FGF12: variants seen among roughly 807,000 people sequenced by gnomAD.
FGF12 encodes the protein fibroblast growth factor 12.
In FGF12, 14 loss-of-function variants were observed where a neutral mutation model predicts 23.6. The observed-to-expected ratio is 0.59, with a 90% CI of 0.39 to 0.93. The LOEUF is 0.93. Ranked by LOEUF, FGF12 falls within the 40% of genes least tolerant of loss-of-function variation. The pLI is 0.00. For missense variants in FGF12, 175 were observed against 217.8 expected (o/e 0.80, Z 1.24); for synonymous variants, 62 against 77.3 (o/e 0.80, Z 1.04).
chr3:192,439,552 GT>G (rs1722131274), intron 2 of FGF12, among the ~76,000 whole-genome samples: 1 of 152,186 alleles, frequency 6.6e-6, no homozygotes, highest in Admixed American at 6.5e-5. Context: ...GGATACAATG[GT>G]GAGCAAAAGC....
In FGF12 at chr3:192,493,401, C is replaced by A. The variant is rs780556207; in HGVS notation, c.14-132863G>T. 2.5e-4 allele frequency among the ~76,000 whole-genome samples: 38 copies of A among 152,078 alleles called. 1 individual carries two copies. The highest frequency in any genetic ancestry group is 4.9e-4 in the Non-Finnish European group (33 of 68,014). ...TAAATTAAATTCTTGCTTCTTCCAC[C>A]CAATTTATGCACTTATCCAAGTCTA... On this transcript the variant is annotated intron_variant, in intron 2 of 5. Coordinates refer to ENST00000445105, the MANE Select transcript of FGF12 (RefSeq NM_004113.6).
At chr3:192,334,354 T>C (rs1304608077) in intron 4 of FGF12, among the ~76,000 whole-genome samples, 1 of 152,104 alleles carries the variant, frequency 6.6e-6, no homozygotes, top group Admixed American at 6.6e-5. Context: ...TAATGAAAAT[T>C]AGTCAATAAC....
At chr3:192,169,112 G>GGGCAGATA (rs1278805292) in intron 5 of FGF12, among the ~76,000 whole-genome samples, 1 of 152,088 alleles carries the variant, frequency 6.6e-6, no homozygotes, top group Non-Finnish European at 1.5e-5. Context: ...AGGCCGAGGT[G>GGGCAGATA]GGCAGATAAC....
At chr3:192,160,874 C>T (rs1714830988) in intron 5 of FGF12, among the ~76,000 whole-genome samples, 2 of 151,946 alleles carry the variant, frequency 1.3e-5, no homozygotes, top group Admixed American at 6.6e-5. Context: ...GGCTGAGTTC[C>T]CTGAAACTGA....
chr3:192,428,183 A>T (rs1435438896), intron 2 of FGF12, among the ~76,000 whole-genome samples: 1 of 152,210 alleles, frequency 6.6e-6, no homozygotes, highest in Non-Finnish European at 1.5e-5. Context: ...TGCCAAAGGA[A>T]AGGCAGCTTC....
At chr3:192,286,951 G>T (rs1714478836) in intron 4 of FGF12, among the ~76,000 whole-genome samples, 1 of 151,964 alleles carries the variant, frequency 6.6e-6, no homozygotes, top group African/African-American at 2.4e-5. Context: ...TACATCCTAT[G>T]CAATTCTAAG....
At chr3:192,413,416 T>A (rs1721257194) in intron 2 of FGF12, among the ~76,000 whole-genome samples, 1 of 152,088 alleles carries the variant, frequency 6.6e-6, no homozygotes, top group Non-Finnish European at 1.5e-5. Context: ...CTAAACTACA[T>A]CTGCAAAATA....
chr3:192,305,411 G>A (rs1235558471), intron 4 of FGF12, among the ~76,000 whole-genome samples: 2 of 151,550 alleles, frequency 1.3e-5, no homozygotes, highest in Admixed American at 6.6e-5. Context: ...AGAAATACAC[G>A]TCGAGCTGCC....
chr3:192,206,405 A>C (rs749899978), intron 4 of FGF12, among the ~76,000 whole-genome samples: 8 of 152,246 alleles, frequency 5.3e-5, no homozygotes, highest in Non-Finnish European at 1.2e-4. Context: ...GAATCTACTC[A>C]GTACGTTGTT....
intron 4 of FGF12, among the ~76,000 whole-genome samples, chr3:192,289,681 T>C: frequency 6.6e-6 from 1 of 152,136 alleles, no homozygotes. Flanking sequence ...TTAACTTTTG[T>C]TTATTCACTA....
At chr3:192,333,960 A>G (rs925226167) in intron 4 of FGF12, among the ~76,000 whole-genome samples, 1 of 152,104 alleles carries the variant, frequency 6.6e-6, no homozygotes, top group African/African-American at 2.4e-5. Context: ...CAATGAACTT[A>G]AAGAACATAC....
chr3:192,681,498 G>A (rs1248486528), intron 2 of FGF12, among the ~76,000 whole-genome samples: 1 of 152,192 alleles, frequency 6.6e-6, no homozygotes, highest in African/African-American at 2.4e-5. Flanking sequence ...GAGATTCTAG[G>A]CGGCAGGTGA....
chr3:192,626,614 T>C (rs892457119), intron 2 of FGF12, among the ~76,000 whole-genome samples: 8 of 152,162 alleles, frequency 5.3e-5, no homozygotes, highest in African/African-American at 1.7e-4. Context: ...TTTGTTTGTT[T>C]GTTGTTTGTT....
At chr3:192,592,484 C>T (rs1225998067) in intron 2 of FGF12, among the ~76,000 whole-genome samples, 2 of 151,766 alleles carry the variant, frequency 1.3e-5, no homozygotes, top group Admixed American at 6.6e-5. Flanking sequence ...TTTTCCCCTC[C>T]TATCGTTGTT....
chr3:192,446,358 A>C (rs1722354456), intron 2 of FGF12, among the ~76,000 whole-genome samples: 1 of 152,196 alleles, frequency 6.6e-6, no homozygotes, highest in African/African-American at 2.4e-5. Context: ...TTGGAACATA[A>C]CAATAGATGC....
chr3:192,587,285 G>A (rs1452641851), intron 2 of FGF12, among the ~76,000 whole-genome samples: 3 of 151,876 alleles, frequency 2.0e-5, no homozygotes, highest in Non-Finnish European at 4.4e-5. Flanking sequence ...CAATCAGAAT[G>A]AATGCCTTGT....
At chr3:192,488,684 C>A (rs1723710256) in intron 2 of FGF12, among the ~76,000 whole-genome samples, 1 of 151,988 alleles carries the variant, frequency 6.6e-6, no homozygotes, top group Non-Finnish European at 1.5e-5. Context: ...GGATGAGAAC[C>A]TCGTCTTGCT....
chr3:192,593,091 C>T (rs1713692845), intron 2 of FGF12, among the ~76,000 whole-genome samples: 1 of 151,864 alleles, frequency 6.6e-6, no homozygotes, highest in African/African-American at 2.4e-5. Flanking sequence ...AACATAGCAT[C>T]ATTCTTCTGT....
intron 4 of FGF12, among the ~76,000 whole-genome samples, chr3:192,258,353 G>A (rs187313904): frequency 3.9e-5 from 6 of 152,218 alleles, no homozygotes; most frequent in Admixed American, 3.3e-4. Context: ...AGCTACTAAG[G>A]AGGCTGAGGC....
Sources: gnomAD v4.1 joint callset for allele counts (sites outside exome capture counted in the v4.1 genomes callset) on GRCh38, gnomAD v4.1.1 for gene constraint, MANE v1.5 for transcripts, NCBI Gene and HGNC (gene_info 2026-07-23, HGNC 2026-07-21) for gene names.